The following DEPDC4 variants were observed in gnomAD, a reference collection of about 807,000 sequenced individuals.
DEPDC4 encodes the protein DEP domain-containing protein 4.
In DEPDC4, 52 loss-of-function variants were observed where a neutral mutation model predicts 52.0. That is an observed-to-expected ratio of 1.00 (90% CI 0.80 to 1.26). The LOEUF is 1.26. Ranked by LOEUF, DEPDC4 falls within the 50% of genes most tolerant of loss-of-function variation. DEPDC4 has a pLI of 0.00. For missense variants in DEPDC4, 530 were observed against 546.9 expected (o/e 0.97, Z 0.31); for synonymous variants, 201 against 196.8 (o/e 1.02, Z -0.18).
At chr12:100,258,585 T>A (rs1005185767) in intron 3 of DEPDC4, among the ~76,000 whole-genome samples, 1 of 152,164 alleles carries the variant, frequency 6.6e-6, no homozygotes, top group East Asian at 1.9e-4. Flanking sequence ...AGATACAAAG[T>A]GTCATTAATC....
intron 3 of DEPDC4, among the ~76,000 whole-genome samples, chr12:100,259,845 C>T (rs935770605): frequency 1.3e-5 from 2 of 151,948 alleles, no homozygotes; most frequent in Non-Finnish European, 2.9e-5. Context: ...AAAACTAGAA[C>T]AGCTATTTGA....
downstream of DEPDC4, among the ~76,000 whole-genome samples, chr12:100,236,052 A>G (rs908217889): frequency 6.6e-6 from 1 of 152,066 alleles, no homozygotes; most frequent in Admixed American, 6.6e-5. Context: ...ATAGTATTCC[A>G]TTGTATGCAT....
chr12:100,267,190 C>T (rs547132206), upstream of DEPDC4: 30 of 1,149,228 alleles, frequency 2.6e-5, no homozygotes, highest in Admixed American at 5.1e-4. Flanking sequence ...CTTTTTCCCC[C>T]TCCCTTACTC....
downstream of DEPDC4, among the ~76,000 whole-genome samples, chr12:100,239,069 G>C (rs554546220): frequency 3.3e-5 from 5 of 152,192 alleles, no homozygotes; most frequent in Admixed American, 3.3e-4. Flanking sequence ...ACTCTTAGTT[G>C]AGAATTTTTG....
chr12:100,278,011 T>C, the DEPDC4 span, among the ~76,000 whole-genome samples: 1 of 152,202 alleles, frequency 6.6e-6, no homozygotes, highest in Non-Finnish European at 1.5e-5. Context: ...AATATACTTA[T>C]ATTTCCCCTC....
chr12:100,270,626 T>TC (rs2096286593), upstream of DEPDC4, among the ~76,000 whole-genome samples: 2 of 150,816 alleles, frequency 1.3e-5, no homozygotes, highest in African/African-American at 4.9e-5. Context: ...TTGCTTTCTT[T>TC]TTTTTTTTTT....
rs1484235334 is a variant in DEPDC4 at position 100,243,105 on chromosome 12, A to C, written c.1454-536T>G. The stretch of plus-strand genomic sequence containing the variant: ...AGATTAACAGCAATAACCAATAATA[A>C]AATAGAGCAATTATAACAATATATT... On this transcript the variant is annotated intron_variant, in intron 8 of 9. Coordinates refer to ENST00000550587, the MANE Select transcript of DEPDC4 (RefSeq NM_001364818.2). Among the ~76,000 whole-genome samples, 3 of 152,162 alleles carry C rather than the reference A, an allele frequency of 2.0e-5. No individual in the cohort carries two copies. In the South Asian group the frequency reaches 6.2e-4, roughly 32 times the overall value.
At chr12:100,264,664 G>GC (rs1359507471) in intron 1 of DEPDC4, among the ~76,000 whole-genome samples, 1 of 151,550 alleles carries the variant, frequency 6.6e-6, no homozygotes, top group African/African-American at 2.4e-5. Context: ...TGGTGACAGA[G>GC]CAAGACTCTG....
At chr12:100,234,486 A>G (rs2096138595) in intron 9 of DEPDC4, among the ~76,000 whole-genome samples, 1 of 152,202 alleles carries the variant, frequency 6.6e-6, no homozygotes, top group African/African-American at 2.4e-5. Flanking sequence ...TTGGATATTG[A>G]GTATGATCAG....
At chr12:100,272,459 G>T in the DEPDC4 span, among the ~76,000 whole-genome samples, 4 of 152,070 alleles carry the variant, frequency 2.6e-5, no homozygotes, top group African/African-American at 7.2e-5. Flanking sequence ...TGGTATTCTT[G>T]GGTGATATTT....
At position 100,256,047 on chromosome 12, in the gene DEPDC4, A is replaced by G; in HGVS notation, c.878+2T>C. ...TATTTGACAATAAAAATGGTCACTTACTCAGGTAGACATAAGCTTGGAATA... is the reference window on the plus strand; with the variant it reads ...TATTTGACAATAAAAATGGTCACTTGCTCAGGTAGACATAAGCTTGGAATA... On this transcript the variant is annotated splice_donor_variant, in intron 4 of 9. Transcript: ENST00000550587. LOFTEE classifies it high-confidence loss of function. 2 of 1,579,726 alleles carry G rather than the reference A, an allele frequency of 1.3e-6. No individual in the cohort carries two copies. Among genetic ancestry groups the G allele is most frequent in the African/African-American group, 2.7e-5 (2 of 73,816 alleles).
chr12:100,243,790 C>T (rs1043065144), intron 8 of DEPDC4, among the ~76,000 whole-genome samples: 1 of 151,984 alleles, frequency 6.6e-6, no homozygotes, highest in Non-Finnish European at 1.5e-5. Context: ...TTTCTCTACC[C>T]ATTCTATCCT....
In DEPDC4 at chr12:100,233,742, A is replaced by G. The variant is rs796776204; in HGVS notation, c.*699+4226T>C. On this transcript the variant is annotated intron_variant and NMD_transcript_variant, in intron 9 of 10. Transcript: ENST00000378244. Reference sequence around the variant, plus strand: ...AAATCTTTTTAGCATGCAAGGAATCAGCAAATAGAAGCACTTGCAATCTAC... The same window carrying G: ...AAATCTTTTTAGCATGCAAGGAATCGGCAAATAGAAGCACTTGCAATCTAC... Among the ~76,000 whole-genome samples the G allele has an allele frequency of 2.0e-5, 3 of 152,234 alleles. No individual in the cohort carries two copies. The South Asian group carries it at 6.2e-4, about 32-fold the overall frequency.
chr12:100,264,486 C>T (rs1311787969), intron 1 of DEPDC4, among the ~76,000 whole-genome samples: 1 of 152,068 alleles, frequency 6.6e-6, no homozygotes, highest in Admixed American at 6.6e-5. Context: ...TGAGACCAGC[C>T]TGGCCAACAT....
intron 9 of DEPDC4, among the ~76,000 whole-genome samples, chr12:100,234,930 C>T (rs1298653362): frequency 6.6e-6 from 1 of 152,004 alleles, no homozygotes; most frequent in Non-Finnish European, 1.5e-5. Flanking sequence ...TAGAAATTTC[C>T]CTTTGGAAAT....
the DEPDC4 span, among the ~76,000 whole-genome samples, chr12:100,279,844 G>A: frequency 1.3e-5 from 2 of 152,230 alleles, no homozygotes; most frequent in African/African-American, 4.8e-5. Flanking sequence ...ACCTGGTGGA[G>A]TGTCACACTA....
rs186315207 is a variant in DEPDC4 at position 100,241,741 on chromosome 12, T to C, written c.*151A>G. On this transcript the variant is annotated 3_prime_UTR_variant, in exon 10 of 10. Transcript: ENST00000550587. ...TTCTTTTTTCGTTTCAGAGAGATGCTGGGGTTACTATTAATCTCAAGAGCC... is the reference window on the plus strand; with the variant it reads ...TTCTTTTTTCGTTTCAGAGAGATGCCGGGGTTACTATTAATCTCAAGAGCC... The C allele has an allele frequency of 1.6e-4, 210 of 1,274,848 alleles. 3 individuals carry two copies. In the African/African-American group the frequency reaches 2.6e-3, roughly 16 times the overall value. 79.0% of individuals were successfully genotyped at this position (1,274,848 alleles called of 1,614,324 possible).
chr12:100,268,342 G>A (rs1288616038), upstream of DEPDC4, among the ~76,000 whole-genome samples: 1 of 152,142 alleles, frequency 6.6e-6, no homozygotes, highest in Non-Finnish European at 1.5e-5. Flanking sequence ...ACCCCATTAT[G>A]TTCTGGTGAT....
At chr12:100,265,078 C>T (rs1433277126) in intron 1 of DEPDC4, among the ~76,000 whole-genome samples, 7 of 141,978 alleles carry the variant, frequency 4.9e-5, no homozygotes, top group East Asian at 4.3e-4. Context: ...GCAGAAGGAT[C>T]GCATGAACTC....
Sources: allele counts gnomAD v4.1 joint callset (sites outside exome capture counted in the v4.1 genomes callset), GRCh38; gene constraint gnomAD v4.1.1; transcripts MANE v1.5; gene names NCBI Gene and HGNC (gene_info 2026-07-23, HGNC 2026-07-21).